Variants in GLDC observed in about 807,000 individuals in gnomAD.
GLDC encodes the protein glycine decarboxylase, also known as glycine dehydrogenase (decarboxylating), mitochondrial.
Under a neutral mutation model 121.3 loss-of-function variants are expected in GLDC, and 104 were observed. The observed-to-expected ratio is 0.86, with a 90% CI of 0.73 to 1.01. The LOEUF is 1.01. GLDC is among the 50% of genes least tolerant of loss of function. The pLI is 0.00. For missense variants in GLDC, 1,429 were observed against 1,306.6 expected, an observed-to-expected ratio of 1.09 and a Z score of -1.44; for synonymous variants, 546 against 480.6, an observed-to-expected ratio of 1.14 and a Z score of -1.78.
intron 3 of GLDC, among the ~76,000 whole-genome samples, chr9:6,616,352 G>T (rs987916933): frequency 6.6e-6 from 1 of 152,160 alleles, no homozygotes; most frequent in South Asian, 2.1e-4. Context: ...ATGTTATTTA[G>T]CATTGCTAAA....
intron 21 of GLDC, chr9:6,541,089 T>C (rs765106091): frequency 6.6e-6 from 1 of 152,256 alleles, no homozygotes; most frequent in Non-Finnish European, 1.5e-5. Context: ...CAAGACCCTG[T>C]CTCAAAAAAA....
At chr9:6,592,318 A>G (rs1818391007) in intron 10 of GLDC, 95 bp from the exon 11 acceptor site, 1 of 795,870 alleles carries the variant, frequency 1.3e-6, no homozygotes, top group Non-Finnish European at 2.2e-6. Flanking sequence ...AGTGCTAAAC[A>G]AAATCCCATC....
chr9:6,599,778 C>T lies in GLDC; in HGVS notation c.1155+2331G>A, dbSNP rs1048356266. ...AATAAATAAAGATCAGCTTGCTGTT[C>T]AACAGAGGAAAAGCCTGTGCCAACC... On this transcript the variant is annotated intron_variant, in intron 8 of 24. Transcript: ENST00000321612. Among the ~76,000 whole-genome samples, 3 of 151,528 alleles carry T rather than the reference C, an allele frequency of 2.0e-5. No individual in the cohort carries two copies. In the South Asian group the frequency reaches 6.2e-4, roughly 31 times the overall value.
At chr9:6,624,635 G>GT (rs1217583021) in intron 2 of GLDC, among the ~76,000 whole-genome samples, 4 of 152,150 alleles carry the variant, frequency 2.6e-5, no homozygotes, top group African/African-American at 9.7e-5. Context: ...TAAAAAAACT[G>GT]TATCAGTCAT....
At position 6,534,793 on chromosome 9, in the gene GLDC, G is replaced by C; in HGVS notation, c.2839-5C>G. ...GGTCAGGGAGTGTGGAGACATCTGA[G>C]ACAGAGACACGGACAGAGGAGGGGT... On this transcript the variant is annotated splice_region_variant and splice_polypyrimidine_tract_variant and intron_variant, in intron 23 of 24. Transcript: ENST00000321612. 3 of 1,558,306 alleles carry C rather than the reference G, an allele frequency of 1.9e-6. No individual in the cohort carries two copies. The highest frequency in any genetic ancestry group is 2.7e-6 in the Non-Finnish European group (3 of 1,129,190).
At chr9:6,590,571 C>T (rs1252917097) in intron 11 of GLDC, among the ~76,000 whole-genome samples, 1 of 152,194 alleles carries the variant, frequency 6.6e-6, no homozygotes, top group Admixed American at 6.5e-5. Flanking sequence ...CTCCTCTTCC[C>T]CTTCCTTCAT....
chr9:6,565,212 G>A (rs1381910477), intron 16 of GLDC, 142 bp downstream of exon 16: 39 of 759,814 alleles, frequency 5.1e-5, no homozygotes, highest in Non-Finnish European at 2.4e-6. Flanking sequence ...ATAATGGCTA[G>A]TTCACAGAAA....
intron 2 of GLDC, among the ~76,000 whole-genome samples, chr9:6,625,651 G>A (rs763771167): frequency 2.0e-5 from 3 of 152,148 alleles, no homozygotes; most frequent in African/African-American, 4.8e-5. Context: ...TCTAGCTCCC[G>A]CTGCATATAG....
At chr9:6,547,849 GC>G (rs1817429328) in intron 21 of GLDC, among the ~76,000 whole-genome samples, 1 of 152,138 alleles carries the variant, frequency 6.6e-6, no homozygotes, top group Non-Finnish European at 1.5e-5. Flanking sequence ...GTATTTGTAG[GC>G]CAGGTGCAGT....
chr9:6,570,137 A>G (rs549729963), intron 15 of GLDC, among the ~76,000 whole-genome samples: 1 of 152,368 alleles, frequency 6.6e-6, no homozygotes, highest in South Asian at 2.1e-4. Flanking sequence ...AGACTGCAGA[A>G]TGCACTAAAG....
intron 15 of GLDC, among the ~76,000 whole-genome samples, chr9:6,576,756 C>G (rs557012342): frequency 6.6e-6 from 1 of 152,138 alleles, no homozygotes; most frequent in Non-Finnish European, 1.5e-5. Flanking sequence ...CGTGAACCAC[C>G]GCGTCTGGCC....
At chr9:6,612,648 G>C (rs978127483) in intron 3 of GLDC, among the ~76,000 whole-genome samples, 1 of 152,064 alleles carries the variant, frequency 6.6e-6, no homozygotes, top group African/African-American at 2.4e-5. Context: ...CGGATCACGA[G>C]GTCAGGAGTT....
chr9:6,542,369 T>G (rs1233959002), intron 21 of GLDC: 1 of 151,966 alleles, frequency 6.6e-6, no homozygotes, highest in Non-Finnish European at 1.5e-5. Flanking sequence ...CTCCTGAGAG[T>G]AGCTGGGACT....
intron 8 of GLDC, among the ~76,000 whole-genome samples, chr9:6,595,582 C>T (rs1029816540): frequency 1.8e-4 from 27 of 152,148 alleles, no homozygotes; most frequent in Admixed American, 1.2e-3. Flanking sequence ...ATAAAATTCT[C>T]CTAAGAACTT....
Position 6,606,644 on chromosome 9 carries a change from C to A in GLDC, c.661G>T (p.Val221Phe), listed in dbSNP as rs144043066. Residue 221 changes from valine (V) to phenylalanine (F), a missense_variant, in exon 5 of 25, where the codon GTT becomes TTT. Transcript: ENST00000321612. ...YRHNKRRKFL[V>F]DPRCHPQTIA... ...GTCTGTGGGTGGCAACGGGGATCAA[C>A]GAGAAATTTCCTCCTCTTGTTGTGT... is the stretch of plus-strand genomic sequence containing the variant. 6.2e-7 allele frequency: 1 copy of A among 1,607,412 alleles called. No individual in the cohort carries two copies.
chr9:6,558,816 C>T, intron 16 of GLDC, 132 bp from the exon 17 acceptor site: 1 of 933,758 alleles, frequency 1.1e-6, no homozygotes, highest in Non-Finnish European at 1.7e-6. Context: ...AACACTAGTG[C>T]TTTAAAATCT....
chr9:6,620,075 G>C (rs1362204716), intron 3 of GLDC, 109 bp downstream of exon 3: 2 of 1,028,414 alleles, frequency 1.9e-6, no homozygotes, highest in African/African-American at 1.6e-5. Context: ...GACAGCACTA[G>C]GAGGTGGGTG....
rs45582831 is a variant in GLDC at position 6,588,227 on chromosome 9, C to T, written c.1707+174G>A. The stretch of plus-strand genomic sequence containing the variant: ...TACCCATACATTTAAATGATGAAGT[C>T]GTGAGAAATACAGGGTTACTCCCAA... On this transcript the variant is annotated intron_variant, in intron 14 of 24. Coordinates refer to ENST00000321612, the MANE Select transcript of GLDC (RefSeq NM_000170.3). Among the ~76,000 whole-genome samples, 3,774 of 152,080 alleles carry T rather than the reference C, an allele frequency of 0.025. 76 individuals are homozygous for T. The highest frequency in any genetic ancestry group is 0.037 in the Non-Finnish European group (2,506 of 68,006).
At chr9:6,637,267 G>C (rs113915069) in intron 2 of GLDC, among the ~76,000 whole-genome samples, 1 of 151,334 alleles carries the variant, frequency 6.6e-6, no homozygotes. Flanking sequence ...TTAGACAGGC[G>C]TGGTGGCAGG....
Sources: allele counts gnomAD v4.1 joint callset (sites outside exome capture counted in the v4.1 genomes callset), GRCh38; gene constraint gnomAD v4.1.1; transcripts MANE v1.5; gene names NCBI Gene and HGNC (gene_info 2026-07-23, HGNC 2026-07-21).